Variants in AGPS observed in about 807,000 individuals in gnomAD.
AGPS encodes the protein alkylglycerone phosphate synthase.
A neutral mutation model predicts 90.7 loss-of-function variants in AGPS; 26 were observed. The ratio of observed to expected loss-of-function variants is 0.29; its 90% CI spans 0.21 to 0.40. The LOEUF (loss-of-function observed/expected upper bound fraction) is 0.40, where lower values mean the gene tolerates loss of function less well. Ranked by LOEUF, AGPS falls within the 10% of genes least tolerant of loss-of-function variation. The probability of loss-of-function intolerance (pLI) is 1.00; values close to 1 mark genes in which losing one functional copy is unlikely to be tolerated. For synonymous variants in AGPS, 294 were observed against 285.3 expected (o/e 1.03, Z -0.31); for missense variants, 540 against 816.1 (o/e 0.66, Z 4.12).
chr2:177,407,808 TTAAAA>T, intron 1 of AGPS, among the ~76,000 whole-genome samples: 1 of 149,914 alleles, frequency 6.7e-6, no homozygotes, highest in South Asian at 2.1e-4. Context: ...TTTTTTTTTT[TTAAAA>T]AAAAGAGGTG....
At chr2:177,491,494 C>T (rs1485828774) in intron 11 of AGPS, among the ~76,000 whole-genome samples, 1 of 137,862 alleles carries the variant, frequency 7.3e-6, no homozygotes, top group African/African-American at 2.8e-5. Flanking sequence ...CCAGGCTGGT[C>T]TTGAACTCCT....
chr2:177,462,750 TCATAA>T (rs1687337794), intron 9 of AGPS, among the ~76,000 whole-genome samples: 1 of 152,232 alleles, frequency 6.6e-6, no homozygotes, highest in Non-Finnish European at 1.5e-5. Flanking sequence ...ATTGTATTAT[TCATAA>T]ATATTCTAAA....
Position 177,541,242 on chromosome 2 carries a change from A to G in AGPS, c.*3047A>G, listed in dbSNP as rs969193077. On this transcript the variant is annotated 3_prime_UTR_variant, in exon 20 of 20. Coordinates refer to ENST00000264167, the MANE Select transcript of AGPS (RefSeq NM_003659.4). Reference sequence around the variant, plus strand: ...TGGTTGCAAGGAAACCTTTTCCCCCACTAGAATAGTCTATTAGTAACTGCT... The same window carrying G: ...TGGTTGCAAGGAAACCTTTTCCCCCGCTAGAATAGTCTATTAGTAACTGCT... The G allele has an allele frequency of 6.6e-6, 1 of 152,122 alleles. No homozygotes were observed. The highest frequency in any genetic ancestry group is 2.4e-5 in the African/African-American group (1 of 41,446). 9.4% of individuals were successfully genotyped at this position (152,122 alleles called of 1,614,324 possible). A position where few individuals can be genotyped will look rare whatever the true frequency, so the allele number is the denominator to read the frequency against.
In AGPS at chr2:177,436,835, T is replaced by G. The variant is rs1173246473; in HGVS notation, c.513T>G (p.Thr171=). 2 of 1,612,142 alleles carry G rather than the reference T, an allele frequency of 1.2e-6. No individual in the cohort carries two copies. Among genetic ancestry groups the G allele is most frequent in the Non-Finnish European group, 1.7e-6 (2 of 1,178,468 alleles). The change falls in exon 4 of 20, where the codon ACT becomes ACG. Residue 171 remains threonine, a synonymous_variant. Coordinates refer to ENST00000264167, the MANE Select transcript of AGPS (RefSeq NM_003659.4). Reference sequence around the variant, plus strand: ...ATTTTCTTCATGACCTTAAAGAAACTAATATTTCATATTCACAAGAGGCAG... The same window carrying G: ...ATTTTCTTCATGACCTTAAAGAAACGAATATTTCATATTCACAAGAGGCAG... The part of the protein sequence containing the change: ...NEDFLHDLKE[T]NISYSQEADD...
At chr2:177,515,300 C>T (rs1688989915) in intron 17 of AGPS, among the ~76,000 whole-genome samples, 1 of 152,052 alleles carries the variant, frequency 6.6e-6, no homozygotes, top group African/African-American at 2.4e-5. Context: ...TAGCAGTCAG[C>T]TCTCTTTTAT....
At chr2:177,430,070 C>T (rs1003484634) in intron 2 of AGPS, among the ~76,000 whole-genome samples, 1 of 152,200 alleles carries the variant, frequency 6.6e-6, no homozygotes, top group African/African-American at 2.4e-5. Flanking sequence ...GCAGTCTGGC[C>T]ACAATCTGGC....
chr2:177,509,160 G>A (rs180747527), intron 16 of AGPS, among the ~76,000 whole-genome samples: 143 of 152,214 alleles, frequency 9.4e-4, no homozygotes, highest in African/African-American at 3.3e-3. Flanking sequence ...CATCTACTGA[G>A]TTAGTACGCT....
At position 177,392,798 on chromosome 2, in the gene AGPS, G is replaced by A; in HGVS notation, c.9G>A (p.Glu3=). 1 of 1,501,288 alleles carries A rather than the reference G, an allele frequency of 6.7e-7. No homozygotes were observed. Among genetic ancestry groups the A allele is most frequent in the Non-Finnish European group, 8.8e-7 (1 of 1,138,282 alleles). The allele number at this position is 1,501,288 out of a possible 1,614,324, so 93.0% of individuals were successfully genotyped here. A position where few individuals can be genotyped will look rare whatever the true frequency, so the allele number is the denominator to read the frequency against. The change falls in exon 1 of 20, where the codon GAG becomes GAA. Residue 3 remains glutamate, a synonymous_variant. Coordinates refer to ENST00000264167, the MANE Select transcript of AGPS (RefSeq NM_003659.4). The stretch of plus-strand genomic sequence containing the variant: ...AGCACAAGGCGGTAGCCATGGCGGA[G>A]GCGGCGGCTGCAGCGGGTGGGACTG... MA[E]AAAAAGGTGL...
At chr2:177,458,868 A>G (rs1023480472) in intron 8 of AGPS, among the ~76,000 whole-genome samples, 1 of 152,220 alleles carries the variant, frequency 6.6e-6, no homozygotes, top group Admixed American at 6.5e-5. Context: ...CGTAGCCAAG[A>G]CAATCCTGGA....
chr2:177,446,009 TTTG>T (rs764135358), intron 8 of AGPS, among the ~76,000 whole-genome samples: 3 of 152,138 alleles, frequency 2.0e-5, no homozygotes, highest in African/African-American at 4.8e-5. Context: ...TGGCATTTTT[TTTG>T]TTGTTGTTAG....
intron 1 of AGPS, 74 bp downstream of exon 1, chr2:177,393,123 A>G (rs1559027491): frequency 6.5e-7 from 1 of 1,549,666 alleles, no homozygotes; most frequent in Non-Finnish European, 8.7e-7. Context: ...GGCACAGGCG[A>G]GGTGGGAAGG....
intron 16 of AGPS, among the ~76,000 whole-genome samples, chr2:177,510,624 A>G (rs1022396823): frequency 2.0e-5 from 3 of 152,094 alleles, no homozygotes; most frequent in Non-Finnish European, 2.9e-5. Flanking sequence ...ATACTTACAT[A>G]TTTATTTGAC....
At position 177,521,965 on chromosome 2, in the gene AGPS, C is replaced by T. The variant is rs191939473; in HGVS notation, c.1797+597C>T. ...AGGAAGCTGAGGTTTCTTAAAAACTCAGGTGTTCTACTGTTTTAACTGCAT... is the reference window on the plus strand; with the variant it reads ...AGGAAGCTGAGGTTTCTTAAAAACTTAGGTGTTCTACTGTTTTAACTGCAT... On this transcript the variant is annotated intron_variant, in intron 18 of 19. Transcript: ENST00000264167. Among the ~76,000 whole-genome samples, 256 of 152,264 alleles carry T rather than the reference C, an allele frequency of 1.7e-3. 4 individuals carry two copies. Among genetic ancestry groups the T allele is most frequent in the Non-Finnish European group, 1.6e-4 (11 of 68,018 alleles).
intron 18 of AGPS, among the ~76,000 whole-genome samples, chr2:177,522,147 G>A (rs1430604954): frequency 2.0e-5 from 3 of 151,974 alleles, no homozygotes; most frequent in African/African-American, 7.3e-5. Flanking sequence ...AATGTGTACA[G>A]TTTTGACATA....
intron 16 of AGPS, among the ~76,000 whole-genome samples, chr2:177,512,599 T>C (rs1164436057): frequency 6.6e-6 from 1 of 152,222 alleles, no homozygotes; most frequent in East Asian, 1.9e-4. Context: ...AGACTAGAGA[T>C]AAGCCAACCT....
chr2:177,470,727 A>AAG (rs1553514147), intron 10 of AGPS, among the ~76,000 whole-genome samples: 13 of 140,666 alleles, frequency 9.2e-5, no homozygotes, highest in African/African-American at 3.2e-4. Flanking sequence ...AAAAAAAAAG[A>AAG]AAAAAAAAAG....
At chr2:177,504,211 T>C (rs1688641840) in intron 14 of AGPS, among the ~76,000 whole-genome samples, 1 of 152,314 alleles carries the variant, frequency 6.6e-6, no homozygotes, top group East Asian at 1.9e-4. Context: ...TCTCTTGGAC[T>C]CAGAGTCTGA....
intron 19 of AGPS, among the ~76,000 whole-genome samples, chr2:177,525,167 G>A (rs1371126286): frequency 6.6e-6 from 1 of 152,086 alleles, no homozygotes; most frequent in Non-Finnish European, 1.5e-5. Context: ...AAAAGCTTCC[G>A]ATTACTCTAA....
chr2:177,475,538 A>G (rs919531764), intron 10 of AGPS, among the ~76,000 whole-genome samples: 6 of 152,200 alleles, frequency 3.9e-5, no homozygotes, highest in African/African-American at 1.2e-4. Context: ...TGTTCTGGAA[A>G]TTACACAGAC....
Sources: allele counts gnomAD v4.1 joint callset (sites outside exome capture counted in the v4.1 genomes callset), GRCh38; gene constraint gnomAD v4.1.1; transcripts MANE v1.5; gene names NCBI Gene and HGNC (gene_info 2026-07-23, HGNC 2026-07-21).